The following CERS6 variants were observed in gnomAD, a reference collection of about 807,000 sequenced individuals.
CERS6 encodes the protein ceramide synthase 6, also known as LAG1 homolog, ceramide synthase 6.
CERS6 carries 26 observed loss-of-function variants against 56.8 expected under a neutral mutation model. That is an observed-to-expected ratio of 0.46 (90% CI 0.34 to 0.63). CERS6 has a LOEUF of 0.63. Ranked by LOEUF, CERS6 falls within the 30% of genes least tolerant of loss-of-function variation. The pLI, the probability that CERS6 is intolerant of heterozygous loss-of-function variation, is 0.01. For synonymous variants in CERS6, 164 were observed against 173.3 expected (o/e 0.95, Z 0.42); for missense variants, 415 against 467.5 (o/e 0.89, Z 1.04).
At chr2:168,723,111 A>G (rs1020693204) in intron 8 of CERS6, among the ~76,000 whole-genome samples, 2 of 152,240 alleles carry the variant, frequency 1.3e-5, no homozygotes, top group African/African-American at 4.8e-5. Context: ...GCCTCACCAC[A>G]GAATCCCTTG....
intron 2 of CERS6, 150 bp from the exon 3 acceptor site, chr2:168,561,042 C>G (rs1695776796): frequency 2.8e-6 from 2 of 703,440 alleles, no homozygotes; most frequent in Admixed American, 5.9e-5. Flanking sequence ...AGTGGAAGGC[C>G]TCGGTCCTCA....
chr2:168,486,885 A>G (rs1480311139), intron 1 of CERS6, among the ~76,000 whole-genome samples: 1 of 152,132 alleles, frequency 6.6e-6, no homozygotes, highest in Non-Finnish European at 1.5e-5. Flanking sequence ...CCACTTATTC[A>G]TTGCTAGCTT....
At chr2:168,605,829 C>T (rs1026345500) in intron 3 of CERS6, among the ~76,000 whole-genome samples, 7 of 152,160 alleles carry the variant, frequency 4.6e-5, no homozygotes, top group Admixed American at 2.0e-4. Flanking sequence ...GCTTGGGGGC[C>T]TCCACCTAGA....
chr2:168,653,466 T>C (rs966870706), intron 4 of CERS6, among the ~76,000 whole-genome samples: 1 of 152,200 alleles, frequency 6.6e-6, no homozygotes, highest in African/African-American at 2.4e-5. Flanking sequence ...GGATTCTAGT[T>C]CTCCTTTCAA....
chr2:168,768,626 C>A (rs1574232904), intron 9 of CERS6, among the ~76,000 whole-genome samples: 1 of 151,978 alleles, frequency 6.6e-6, no homozygotes, highest in Non-Finnish European at 1.5e-5. Context: ...TGCCTCCTGG[C>A]CAGGCACGGT....
intron 4 of CERS6, among the ~76,000 whole-genome samples, chr2:168,656,965 A>G (rs1685491629): frequency 6.6e-6 from 1 of 152,194 alleles, no homozygotes; most frequent in African/African-American, 2.4e-5. Flanking sequence ...CAGAGCAGCT[A>G]GATACAGAGT....
intron 3 of CERS6, chr2:168,582,885 G>T: frequency 6.5e-6 from 1 of 154,370 alleles, no homozygotes; most frequent in Non-Finnish European, 1.5e-5. Flanking sequence ...TACAGTTATG[G>T]TATAGAGGGG....
At chr2:168,642,651 C>G (rs532295065) in intron 4 of CERS6, among the ~76,000 whole-genome samples, 12 of 152,328 alleles carry the variant, frequency 7.9e-5, no homozygotes, top group African/African-American at 2.9e-4. Context: ...CCTGGCACAG[C>G]ACAAGCTTTC....
At chr2:168,675,769 C>G (rs766720434) in intron 4 of CERS6, among the ~76,000 whole-genome samples, 1 of 151,960 alleles carries the variant, frequency 6.6e-6, no homozygotes, top group African/African-American at 2.4e-5. Context: ...TCACTGCAAC[C>G]TCCACCTCCC....
At chr2:168,457,766 T>G (rs1179249424) in intron 1 of CERS6, among the ~76,000 whole-genome samples, 2 of 152,180 alleles carry the variant, frequency 1.3e-5, no homozygotes, top group African/African-American at 2.4e-5. Flanking sequence ...TGAAAACGAC[T>G]GTTGAGGGTG....
intron 5 of CERS6, 127 bp downstream of exon 5, chr2:168,691,211 C>G: frequency 1.3e-6 from 1 of 761,000 alleles, no homozygotes; most frequent in South Asian, 1.5e-5. Context: ...TCCCGCTGAT[C>G]AGTGCTGGAC....
At chr2:168,607,334 A>T (rs1684075907) in intron 3 of CERS6, among the ~76,000 whole-genome samples, 1 of 151,788 alleles carries the variant, frequency 6.6e-6, no homozygotes, top group African/African-American at 2.4e-5. Context: ...TTTTAAAAAA[A>T]CTCTTTTAAG....
At chr2:168,530,653 A>T (rs557964456) in intron 1 of CERS6, among the ~76,000 whole-genome samples, 1 of 152,256 alleles carries the variant, frequency 6.6e-6, no homozygotes, top group East Asian at 1.9e-4. Flanking sequence ...GTTGAAGTGA[A>T]CTCATAATGA....
chr2:168,537,951 T>C (rs1166326633), intron 1 of CERS6, among the ~76,000 whole-genome samples: 4 of 152,150 alleles, frequency 2.6e-5, no homozygotes, highest in Non-Finnish European at 5.9e-5. Flanking sequence ...TTACCTCTTA[T>C]TCCTCTCTTG....
At chr2:168,639,235 T>G (rs528150301) in intron 4 of CERS6, among the ~76,000 whole-genome samples, 1 of 152,226 alleles carries the variant, frequency 6.6e-6, no homozygotes, top group African/African-American at 2.4e-5. Context: ...CCGGAGGCAG[T>G]GCCTGAGAAG....
At chr2:168,660,272 A>G (rs574134903) in intron 4 of CERS6, among the ~76,000 whole-genome samples, 4 of 152,254 alleles carry the variant, frequency 2.6e-5, no homozygotes, top group East Asian at 1.9e-4. Flanking sequence ...TTTACCTCCA[A>G]TCTTCTGCCC....
At position 168,621,785 on chromosome 2, in the gene CERS6, G is replaced by C. The variant is rs1301507205; in HGVS notation, c.408-9200G>C. The stretch of plus-strand genomic sequence containing the variant: ...TAAATCTGTGAAATAGAACATAGTG[G>C]ATTTAGAACTATATATGCATACAAT... On this transcript the variant is annotated intron_variant, in intron 3 of 9. Transcript: ENST00000305747. Among the ~76,000 whole-genome samples, 3 of 152,144 alleles carry C rather than the reference G, an allele frequency of 2.0e-5. No homozygotes were observed. In the East Asian group the frequency reaches 5.8e-4, roughly 29 times the overall value.
At chr2:168,708,767 A>G (rs1687019678) in intron 6 of CERS6, among the ~76,000 whole-genome samples, 2 of 152,130 alleles carry the variant, frequency 1.3e-5, no homozygotes, top group Non-Finnish European at 1.5e-5. Flanking sequence ...TTTAATTAAA[A>G]TCTTGCTCTT....
intron 2 of CERS6, among the ~76,000 whole-genome samples, chr2:168,557,538 T>C (rs948870898): frequency 6.6e-6 from 1 of 152,190 alleles, no homozygotes; most frequent in African/African-American, 2.4e-5. Flanking sequence ...AGAAAAGATT[T>C]GGATTTTTGA....
Sources: gnomAD v4.1 joint callset for allele counts (sites outside exome capture counted in the v4.1 genomes callset) on GRCh38, gnomAD v4.1.1 for gene constraint, MANE v1.5 for transcripts, NCBI Gene and HGNC (gene_info 2026-07-23, HGNC 2026-07-21) for gene names.